GABRG3: variants seen among roughly 807,000 people sequenced by gnomAD.
GABRG3 encodes the protein gamma-aminobutyric acid type A receptor subunit gamma3.
GABRG3 carries 25 observed loss-of-function variants against 48.8 expected under a neutral mutation model. The ratio of observed to expected loss-of-function variants is 0.51; its 90% CI spans 0.37 to 0.72. The LOEUF is 0.72. Among genes scored for constraint, GABRG3 ranks in the 30% least tolerant of loss-of-function variants. The pLI is 0.00. For synonymous variants in GABRG3, 227 were observed against 217.6 expected, an observed-to-expected ratio of 1.04 and a Z score of -0.38; for missense variants, 394 against 577.9, an observed-to-expected ratio of 0.68 and a Z score of 3.26.
chr15:27,151,254 A>G (rs538250517), intron 3 of GABRG3, among the ~76,000 whole-genome samples: 26 of 152,036 alleles, frequency 1.7e-4, no homozygotes, highest in South Asian at 1.0e-3. Context: ...CTCACTCCCT[A>G]CTTAACTCCT....
intron 3 of GABRG3, among the ~76,000 whole-genome samples, chr15:27,085,545 G>T (rs1897061702): frequency 6.6e-6 from 1 of 152,130 alleles, no homozygotes; most frequent in South Asian, 2.1e-4. Context: ...TAAAAAATTT[G>T]AAATATATTG....
chr15:27,438,437 T>C (rs960484114), intron 5 of GABRG3, among the ~76,000 whole-genome samples: 1 of 152,230 alleles, frequency 6.6e-6, no homozygotes, highest in Admixed American at 6.5e-5. Context: ...AACTTTCTAA[T>C]GGTAATACAT....
At chr15:26,990,960 A>C (rs1001479446) in intron 2 of GABRG3, among the ~76,000 whole-genome samples, 4 of 152,044 alleles carry the variant, frequency 2.6e-5, no homozygotes, top group Non-Finnish European at 5.9e-5. Context: ...ATGCGCCACC[A>C]GACCTGGCTA....
At chr15:27,135,942 A>C (rs1208384402) in intron 3 of GABRG3, among the ~76,000 whole-genome samples, 2 of 152,136 alleles carry the variant, frequency 1.3e-5, no homozygotes, top group East Asian at 3.9e-4. Context: ...AAAACAAAAC[A>C]ACAAAAAAGA....
At chr15:27,103,624 A>G (rs1370827841) in intron 3 of GABRG3, among the ~76,000 whole-genome samples, 1 of 152,208 alleles carries the variant, frequency 6.6e-6, no homozygotes. Flanking sequence ...TTTCACTTTT[A>G]AGATTACAAA....
Position 27,535,004 on chromosome 15 carries a change from CTAT to C in GABRG3, c.*2125_*2127del, listed in dbSNP as rs1891515945. The C allele has an allele frequency of 6.6e-6, 1 of 152,172 alleles. No individual in the cohort carries two copies. Among genetic ancestry groups the C allele is most frequent in the African/African-American group, 2.4e-5 (1 of 41,444 alleles). 9.4% of individuals were successfully genotyped at this position (152,172 alleles called of 1,614,324 possible). A position where few individuals can be genotyped will look rare whatever the true frequency, so the allele number is the denominator to read the frequency against. The stretch of plus-strand genomic sequence containing the variant: ...TATTGTCTTAGATGCAATGTCTCCT[CTAT>C]TGGAGAATTTCACACTCTGGTACTC... On this transcript the variant is annotated 3_prime_UTR_variant, in exon 10 of 10. Transcript: ENST00000615808.
At chr15:27,013,890 C>G (rs1895731775) in intron 2 of GABRG3, among the ~76,000 whole-genome samples, 1 of 151,940 alleles carries the variant, frequency 6.6e-6, no homozygotes, top group African/African-American at 2.4e-5. Context: ...TCTATTTCTG[C>G]CAAAAATGCA....
At chr15:27,477,977 G>A (rs545098957) in intron 5 of GABRG3, among the ~76,000 whole-genome samples, 13 of 151,774 alleles carry the variant, frequency 8.6e-5, no homozygotes, top group Admixed American at 2.0e-4. Flanking sequence ...ACCCGGAGGC[G>A]GAGCTTGCAG....
At chr15:27,340,958 T>C (rs1195457380) in intron 5 of GABRG3, 1 of 503,042 alleles carries the variant, frequency 2.0e-6, no homozygotes, top group Non-Finnish European at 3.9e-6. Context: ...CAATGATGCA[T>C]GCTTTTGTTT....
intron 3 of GABRG3, among the ~76,000 whole-genome samples, chr15:27,209,381 T>A (rs1440589502): frequency 6.6e-6 from 1 of 152,042 alleles, no homozygotes; most frequent in Non-Finnish European, 1.5e-5. Context: ...TTTCTTTTCT[T>A]TTCTTTCTTT....
intron 3 of GABRG3, among the ~76,000 whole-genome samples, chr15:27,318,455 A>G (rs1893307248): frequency 1.3e-5 from 2 of 152,034 alleles, no homozygotes; most frequent in South Asian, 4.1e-4. Context: ...CTTCCAGTAG[A>G]GCTACCTTGG....
At chr15:27,499,503 A>G (rs934467561) in intron 6 of GABRG3, among the ~76,000 whole-genome samples, 11 of 152,264 alleles carry the variant, frequency 7.2e-5, no homozygotes, top group Non-Finnish European at 1.6e-4. Context: ...TTCAGCAGCC[A>G]ACTCCCTTTT....
intron 3 of GABRG3, among the ~76,000 whole-genome samples, chr15:27,049,459 A>T: frequency 1.3e-5 from 2 of 151,994 alleles, no homozygotes; most frequent in Non-Finnish European, 2.9e-5. Flanking sequence ...CTAACTTGGG[A>T]GCTCAATTTC....
intron 5 of GABRG3, among the ~76,000 whole-genome samples, chr15:27,479,462 T>C (rs1036939381): frequency 2.6e-5 from 4 of 152,184 alleles, no homozygotes; most frequent in Non-Finnish European, 5.9e-5. Context: ...GTACTTTATT[T>C]TAGTCTTTCA....
At chr15:27,505,241 T>C (rs866067776) in intron 6 of GABRG3, among the ~76,000 whole-genome samples, 1 of 152,310 alleles carries the variant, frequency 6.6e-6, no homozygotes, top group African/African-American at 2.4e-5. Flanking sequence ...ACACTTCTCA[T>C]TGTATCACAT....
chr15:27,004,596 C>G (rs892335566), intron 2 of GABRG3, among the ~76,000 whole-genome samples: 1 of 152,136 alleles, frequency 6.6e-6, no homozygotes. Context: ...CCAAGGCAGG[C>G]GGCTGGGAGG....
At chr15:27,260,417 G>GT (rs1458419083) in intron 3 of GABRG3, among the ~76,000 whole-genome samples, 1 of 152,090 alleles carries the variant, frequency 6.6e-6, no homozygotes, top group East Asian at 1.9e-4. Flanking sequence ...GGACTTCAGC[G>GT]TATGAATTTT....
chr15:27,327,874 C>T (rs545742356), intron 4 of GABRG3, among the ~76,000 whole-genome samples: 1 of 152,148 alleles, frequency 6.6e-6, no homozygotes, highest in Non-Finnish European at 1.5e-5. Flanking sequence ...GGCTTGACCC[C>T]TGTCACTTTA....
chr15:27,538,840 C>T lies in GABRG3; in HGVS notation c.*5959C>T, dbSNP rs1891605113. On this transcript the variant is annotated 3_prime_UTR_variant, in exon 10 of 10. Coordinates refer to ENST00000615808, the MANE Select transcript of GABRG3 (RefSeq NM_033223.5). ...TTGCCTCACTTACTGAAGTTCGATC[C>T]CAGTGAATGATGTGTATGTACCCAA... is the stretch of plus-strand genomic sequence containing the variant. 6.6e-6 allele frequency: 1 copy of T among 152,056 alleles called. No homozygotes were observed. The highest frequency in any genetic ancestry group is 6.6e-5 in the Admixed American group (1 of 15,266). 9.4% of individuals were successfully genotyped at this position (152,056 alleles called of 1,614,324 possible).
Sources: gnomAD v4.1 joint callset for allele counts (sites outside exome capture counted in the v4.1 genomes callset) on GRCh38, gnomAD v4.1.1 for gene constraint, MANE v1.5 for transcripts, NCBI Gene and HGNC (gene_info 2026-07-23, HGNC 2026-07-21) for gene names.